Variants in PSG8 observed in about 807,000 individuals in gnomAD.
PSG8 encodes the protein pregnancy specific beta-1-glycoprotein 8.
Under a neutral mutation model 42.5 loss-of-function variants are expected in PSG8, and 57 were observed. The ratio of observed to expected loss-of-function variants is 1.34; its 90% CI spans 1.08 to 1.67. PSG8 has a LOEUF of 1.67. Ranked by LOEUF, PSG8 falls within the 40% of genes most tolerant of loss-of-function variation. The pLI, the probability that PSG8 is intolerant of heterozygous loss-of-function variation, is 0.00. For missense variants in PSG8, 783 were observed against 518.6 expected, an observed-to-expected ratio of 1.51 and a Z score of -4.95; for synonymous variants, 280 against 196.8, an observed-to-expected ratio of 1.42 and a Z score of -3.54.
chr19:42,760,943 C>G (rs1325036307), intron 2 of PSG8, among the ~76,000 whole-genome samples: 1 of 152,068 alleles, frequency 6.6e-6, no homozygotes, highest in Non-Finnish European at 1.5e-5. Flanking sequence ...AGTGTTAGAA[C>G]CGAATGACAA....
chr19:42,765,562 G>A lies in PSG8; in HGVS notation c.20C>T (p.Pro7Leu), dbSNP rs1461217760. Residue 7 changes from proline to leucine, a missense_variant, in exon 1 of 5, where the codon CCT becomes CTT. Physicochemically the swap from Pro to Leu is moderately conservative, Grantham distance 98 (BLOSUM62 -3). Coordinates refer to ENST00000306511, the MANE Select transcript of PSG8 (RefSeq NM_182707.3). ...CCAGGTGATGCGCTGTGTGCAGGGA[G>A]GGGCTGAGAGGAGCCCCATGGTCTC... MGLLSAPPCTQRITWKG... is the reference protein window; with the variant it reads MGLLSALPCTQRITWKG... The A allele has an allele frequency of 1.2e-6, 2 of 1,611,178 alleles. No individual in the cohort carries two copies. The highest frequency in any genetic ancestry group is 2.2e-5 in the East Asian group (1 of 44,846).
Position 42,754,454 on chromosome 19 carries a change from T to G in PSG8, c.1122A>C (p.Leu374=). 1 of 1,613,928 alleles carries G rather than the reference T, an allele frequency of 6.2e-7. No individual in the cohort carries two copies. Among genetic ancestry groups the G allele is most frequent in the Non-Finnish European group, 8.5e-7 (1 of 1,179,868 alleles). Residue 374 remains leucine (L), a synonymous_variant, in exon 5 of 5, where the codon CTA becomes CTC. Coordinates refer to ENST00000306511, the MANE Select transcript of PSG8 (RefSeq NM_182707.3). ...YSWTINGKFQ[L]SGQKLFIPQI... is the part of the protein sequence containing the mutation. Reference sequence around the variant, plus strand: ...GGGGGATAAAGAGCTTTTGTCCTGATAGCTGAAACTTCCCATTAATTGTCC... The same window carrying G: ...GGGGGATAAAGAGCTTTTGTCCTGAGAGCTGAAACTTCCCATTAATTGTCC...
chr19:42,765,624 A>G lies in PSG8; in HGVS notation c.-43T>C, dbSNP rs1429980910. The G allele has an allele frequency of 1.2e-6, 2 of 1,600,868 alleles. No homozygotes were observed. Among genetic ancestry groups the G allele is most frequent in the African/African-American group, 1.4e-5 (1 of 73,814 alleles). On this transcript the variant is annotated 5_prime_UTR_variant, in exon 1 of 5. Coordinates refer to ENST00000306511, the MANE Select transcript of PSG8 (RefSeq NM_182707.3). ...TGTTCTCCTCTGTGGAGATGAGCCT[A>G]GGATCCAGAAGCTTCCTGAGCACAG... is the stretch of plus-strand genomic sequence containing the variant.
intron 2 of PSG8, 132 bp from the exon 3 acceptor site, chr19:42,758,412 T>G: frequency 6.6e-7 from 1 of 1,514,174 alleles, no homozygotes; most frequent in Non-Finnish European, 8.8e-7. Flanking sequence ...CAGGTGTGTG[T>G]GTTGCAAGAC....
downstream of PSG8, chr19:42,753,462 A>C (rs1304418384): frequency 1.2e-5 from 9 of 757,712 alleles, no homozygotes; most frequent in Admixed American, 1.6e-4. Context: ...TTTCCACATA[A>C]TTTTTCTCTC....
Position 42,758,168 on chromosome 19 carries a change from C to A in PSG8, c.543G>T (p.Trp181Cys), listed in dbSNP as rs778873646. 2 of 1,613,894 alleles carry A rather than the reference C, an allele frequency of 1.2e-6. No individual in the cohort carries two copies. Among genetic ancestry groups the A allele is most frequent in the Admixed American group, 1.7e-5 (1 of 59,978 alleles). ...PETPDASYLW[W>C]MNGQSLPMSH... is the part of the protein sequence containing the mutation. Reference sequence around the variant, plus strand: ...ACATAGGGAGGCTCTGACCATTCATCCACCACAGGTAGCTTGCGTCCGGAG... The same window carrying A: ...ACATAGGGAGGCTCTGACCATTCATACACCACAGGTAGCTTGCGTCCGGAG... Residue 181 changes from tryptophan to cysteine, a missense_variant, in exon 3 of 5, where the codon TGG becomes TGT. Coordinates refer to ENST00000306511, the MANE Select transcript of PSG8 (RefSeq NM_182707.3).
Position 42,757,669 on chromosome 19 carries a change from C to A in PSG8, c.709+333G>T, listed in dbSNP as rs181475275. ...GAAAATCTCGTCTGTGGAAGCACCA[C>A]AATCACAGTGACCCTGTGAGCCAAG... On this transcript the variant is annotated intron_variant, in intron 3 of 4. Transcript: ENST00000306511. Among the ~76,000 whole-genome samples, 7 of 152,140 alleles carry A rather than the reference C, an allele frequency of 4.6e-5. No individual in the cohort carries two copies. In the East Asian group the frequency reaches 9.6e-4, roughly 21 times the overall value.
At chr19:42,761,448 A>T (rs1335505788) in intron 2 of PSG8, among the ~76,000 whole-genome samples, 1 of 152,168 alleles carries the variant, frequency 6.6e-6, no homozygotes. Flanking sequence ...AGTTGTAACT[A>T]ATTGCTCCTA....
chr19:42,761,640 C>A (rs1970076107), intron 2 of PSG8, among the ~76,000 whole-genome samples: 1 of 151,952 alleles, frequency 6.6e-6, no homozygotes, highest in South Asian at 2.1e-4. Context: ...CACATGATTC[C>A]ATCACCAAAC....
intron 1 of PSG8, among the ~76,000 whole-genome samples, chr19:42,764,949 G>T (rs1420335695): frequency 6.6e-6 from 1 of 151,964 alleles, no homozygotes; most frequent in African/African-American, 2.4e-5. Flanking sequence ...ATATTTTTAT[G>T]TGAAGTGTCA....
At chr19:42,752,966 A>G (rs1969819144), downstream of PSG8, 18 of 397,260 alleles carry the variant, frequency 4.5e-5, no homozygotes, top group South Asian at 6.9e-4. Context: ...TTGAGATGAC[A>G]TATCTGACAC....
Position 42,765,656 on chromosome 19 carries a change from G to T in PSG8, c.-75C>A, listed in dbSNP as rs1280134106. Reference sequence around the variant, plus strand: ...AGAAGCTTCCTGAGCACAGCTCTCAGCAGTGCTGTCCTGCCTCCTTCTGCG... The same window carrying T: ...AGAAGCTTCCTGAGCACAGCTCTCATCAGTGCTGTCCTGCCTCCTTCTGCG... On this transcript the variant is annotated 5_prime_UTR_variant, in exon 1 of 5. In the 5' UTR this introduces an upstream ATG that the reference lacks. Transcript: ENST00000306511. The T allele has an allele frequency of 1.3e-6, 2 of 1,575,074 alleles. No homozygotes were observed. Among genetic ancestry groups the T allele is most frequent in the Non-Finnish European group, 1.7e-6 (2 of 1,153,398 alleles).
rs146967288 is a variant in PSG8, at chr19:42,764,666, T to C, written c.65-385A>G. On this transcript the variant is annotated intron_variant, in intron 1 of 4. Coordinates refer to ENST00000306511, the MANE Select transcript of PSG8 (RefSeq NM_182707.3). ...TCCTTCAGATACCCTGGGTCTTCCC[T>C]TTCTGACCTTTCCCTGCTCTGCTCC... is the stretch of plus-strand genomic sequence containing the variant. Among the ~76,000 whole-genome samples the C allele has an allele frequency of 5.6e-4, 86 of 152,222 alleles. 1 individual carries two copies. The East Asian group carries it at 0.016, about 29-fold the overall frequency.
At chr19:42,752,916 G>C (rs372046484), downstream of PSG8, 61 of 307,992 alleles carry the variant, frequency 2.0e-4, no homozygotes, top group South Asian at 3.4e-3. Context: ...AAGGTGGAGA[G>C]AGCCACATTT....
intron 3 of PSG8, among the ~76,000 whole-genome samples, chr19:42,756,365 G>A (rs1251976805): frequency 2.6e-5 from 4 of 152,120 alleles, no homozygotes; most frequent in African/African-American, 9.7e-5. Context: ...ATGCAAGGTG[G>A]GGAGGTTCTA....
At chr19:42,759,630 A>T (rs1402709044) in intron 2 of PSG8, among the ~76,000 whole-genome samples, 1 of 152,138 alleles carries the variant, frequency 6.6e-6, no homozygotes, top group African/African-American at 2.4e-5. Context: ...CAGATTGTGG[A>T]TTTCTGGATT....
At chr19:42,760,607 G>T (rs1189464341) in intron 2 of PSG8, among the ~76,000 whole-genome samples, 1 of 151,704 alleles carries the variant, frequency 6.6e-6, no homozygotes, top group Non-Finnish European at 1.5e-5. Context: ...TTCTGAGACA[G>T]AGTCTCACTC....
intron 1 of PSG8, among the ~76,000 whole-genome samples, chr19:42,764,825 G>C (rs1364895668): frequency 6.6e-6 from 1 of 152,076 alleles, no homozygotes; most frequent in Non-Finnish European, 1.5e-5. Flanking sequence ...GCCCAGAACA[G>C]GCTGCAGACT....
chr19:42,757,512 G>T (rs1210266865), intron 3 of PSG8, among the ~76,000 whole-genome samples: 1 of 152,098 alleles, frequency 6.6e-6, no homozygotes, highest in African/African-American at 2.4e-5. Flanking sequence ...CAGTGGGTGA[G>T]AGTCTGTGAG....
Sources: allele counts gnomAD v4.1 joint callset (sites outside exome capture counted in the v4.1 genomes callset), GRCh38; gene constraint gnomAD v4.1.1; transcripts MANE v1.5; gene names NCBI Gene and HGNC (gene_info 2026-07-23, HGNC 2026-07-21).